NCKAP1L: variants seen among roughly 807,000 people sequenced by gnomAD.
NCKAP1L encodes NCK associated protein 1 like, also known as nck-associated protein 1-like.
NCKAP1L carries 53 observed loss-of-function variants against 139.2 expected under a neutral mutation model. The observed-to-expected ratio is 0.38, with a 90% CI of 0.31 to 0.48. NCKAP1L has a LOEUF of 0.48. Among genes scored for constraint, NCKAP1L ranks in the 20% least tolerant of loss-of-function variants. The pLI is 0.98. For missense variants in NCKAP1L, 1,151 were observed against 1,381.9 expected (o/e 0.83, Z 2.65); for synonymous variants, 468 against 499.7 (o/e 0.94, Z 0.85).
intron 28 of NCKAP1L, 50 bp from the exon 29 acceptor site, chr12:54,536,894 A>G (rs1296627342): frequency 1.6e-5 from 22 of 1,340,812 alleles, no homozygotes; most frequent in Non-Finnish European, 2.1e-5. Context: ...GGAGTGGCTT[A>G]CTTTGTCATT....
intron 22 of NCKAP1L, among the ~76,000 whole-genome samples, chr12:54,529,876 CT>C (rs573998972): frequency 2.6e-5 from 4 of 152,266 alleles, no homozygotes; most frequent in Non-Finnish European, 4.4e-5. Context: ...GAGTAAGGAG[CT>C]TTGGCAGATC....
chr12:54,516,760 A>T lies in NCKAP1L; in HGVS notation c.999-136A>T. 9.6e-6 allele frequency: 7 copies of T among 732,120 alleles called. No individual in the cohort carries two copies. In the Admixed American group the frequency reaches 1.2e-4, roughly 12 times the overall value. 45.4% of individuals were successfully genotyped at this position (732,120 alleles called of 1,614,324 possible). A position where few individuals can be genotyped will look rare whatever the true frequency, so the allele number is the denominator to read the frequency against. On this transcript the variant is annotated intron_variant, in intron 10 of 30. Transcript: ENST00000293373. ...CACTCCTGGCCCTTTTTTCTTTTTT[A>T]AACCAAGTCTAACTTGAGCATTGAA...
In NCKAP1L at chr12:54,546,157, A is replaced by G. The variant is rs1329430623; in HGVS notation, c.*3472A>G. On this transcript the variant is annotated 3_prime_UTR_variant, in exon 31 of 31. Transcript: ENST00000293373. ...GTGGATCTCTTGAGCTAAGGAGGTT[A>G]AGACCAGCCTGGTCAACATGGCGAA... 6.6e-6 allele frequency: 1 copy of G among 152,228 alleles called. No individual in the cohort carries two copies. Among genetic ancestry groups the G allele is most frequent in the Non-Finnish European group, 1.5e-5 (1 of 68,088 alleles). 9.4% of individuals were successfully genotyped at this position (152,228 alleles called of 1,614,324 possible).
In NCKAP1L at chr12:54,532,154, C is replaced by T; in HGVS notation, c.2782-16C>T. ...GTCATGGTCTTGTGGACTCATTTAT[C>T]TTCTCTTTCCTCCAGGTTTTCTCCT... is the stretch of plus-strand genomic sequence containing the variant. On this transcript the variant is annotated splice_polypyrimidine_tract_variant and intron_variant, in intron 25 of 30. Transcript: ENST00000293373. 6.3e-7 allele frequency: 1 copy of T among 1,585,526 alleles called. No homozygotes were observed. The highest frequency in any genetic ancestry group is 8.6e-7 in the Non-Finnish European group (1 of 1,161,738).
intron 2 of NCKAP1L, among the ~76,000 whole-genome samples, chr12:54,499,686 G>A (rs573156351): frequency 5.3e-5 from 8 of 152,252 alleles, no homozygotes; most frequent in African/African-American, 7.2e-5. Flanking sequence ...AAGCTGGAGC[G>A]AATCATCACC....
In NCKAP1L at chr12:54,531,327, G is replaced by A; in HGVS notation, c.2574G>A (p.Trp858Ter). 1 of 1,614,136 alleles carries A rather than the reference G, an allele frequency of 6.2e-7. No homozygotes were observed. Among genetic ancestry groups the A allele is most frequent in the Non-Finnish European group, 8.5e-7 (1 of 1,179,994 alleles). Residue 858 changes from tryptophan to a stop codon, truncating the protein, a stop_gained, in exon 23 of 31, where the codon TGG (tryptophan) becomes TGA (stop). Transcript: ENST00000293373. LOFTEE classifies it high-confidence loss of function. ...AGTTCCTGAGTGAAAACCTGATGTG[G>A]CATGTGACCTCTCAGATTGTGGAGC... ...GMKFLSENLM[W>*]HVTSQIVELK...
chr12:54,533,573 GA>G (rs1957090499), intron 26 of NCKAP1L, among the ~76,000 whole-genome samples: 1 of 148,896 alleles, frequency 6.7e-6, no homozygotes, highest in South Asian at 2.1e-4. Context: ...ATGTCTGTGG[GA>G]TTCTTTTTTT....
At chr12:54,518,327 G>A (rs1956951043) in intron 13 of NCKAP1L, among the ~76,000 whole-genome samples, 1 of 151,356 alleles carries the variant, frequency 6.6e-6, no homozygotes, top group African/African-American at 2.4e-5. Context: ...GGGCGACAGA[G>A]CGAGACTCTG....
Position 54,526,650 on chromosome 12 carries a change from C to T in NCKAP1L, c.2279C>T (p.Ala760Val), listed in dbSNP as rs373640452. 1.9e-5 allele frequency: 30 copies of T among 1,613,980 alleles called. No individual in the cohort carries two copies. The highest frequency in any genetic ancestry group is 2.5e-5 in the Non-Finnish European group (30 of 1,180,030). ...FIQSLAQFLG[A>V]DASRVIRNAL... ...CAGTCACTGGCCCAGTTTTTGGGTGCAGATGCTTCCAGAGTCATCCGCAAC... is the reference window on the plus strand; with the variant it reads ...CAGTCACTGGCCCAGTTTTTGGGTGTAGATGCTTCCAGAGTCATCCGCAAC... Residue 760 changes from alanine to valine, a missense_variant, in exon 21 of 31, where the codon GCA (alanine) becomes GTA (valine). Ala to Val is a moderately conservative substitution (Grantham distance 64, BLOSUM62 0). Transcript: ENST00000293373.
At chr12:54,519,429 ATT>A (rs10686138) in intron 16 of NCKAP1L, 97 bp downstream of exon 16, 2,286 of 500,218 alleles carry the variant, frequency 4.6e-3, no homozygotes, top group Middle Eastern at 8.0e-3. Context: ...ATTTTGTTTA[ATT>A]TTTTTTTTTT....
intron 21 of NCKAP1L, among the ~76,000 whole-genome samples, chr12:54,527,688 T>C (rs1308026824): frequency 6.6e-6 from 1 of 152,184 alleles, no homozygotes; most frequent in Non-Finnish European, 1.5e-5. Flanking sequence ...TAGCTTGTGA[T>C]GTCTATTAGA....
In NCKAP1L at chr12:54,509,691, G is replaced by T. The variant is rs562610374; in HGVS notation, c.529G>T (p.Gly177Cys). ...GHGDPSFARL[G>C]QMVLEYDHPL... ...TAGTGACCCCAGTTTTGCCCGTCTG[G>T]GTCAGATGGTCTTGGAGTATGACCA... The change falls in exon 6 of 31, where the codon GGT becomes TGT. Residue 177 changes from glycine (G) to cysteine (C), a missense_variant. Physicochemically the swap from Gly to Cys is radical, Grantham distance 159 (BLOSUM62 -3). Coordinates refer to ENST00000293373, the MANE Select transcript of NCKAP1L (RefSeq NM_005337.5). The T allele has an allele frequency of 1.5e-5, 24 of 1,614,068 alleles. 1 individual carries two copies. In the South Asian group the frequency reaches 2.5e-4, roughly 17 times the overall value.
At chr12:54,525,573 G>A (rs1957019737) in intron 20 of NCKAP1L, among the ~76,000 whole-genome samples, 1 of 152,050 alleles carries the variant, frequency 6.6e-6, no homozygotes, top group South Asian at 2.1e-4. Context: ...TGACATCATT[G>A]TTCCCAAAGC....
intron 3 of NCKAP1L, among the ~76,000 whole-genome samples, chr12:54,504,126 TA>T (rs1185433868): frequency 6.6e-6 from 1 of 152,240 alleles, no homozygotes; most frequent in East Asian, 1.9e-4. Flanking sequence ...GATTATAGTT[TA>T]AAAAAGCTAG....
intron 25 of NCKAP1L, 58 bp downstream of exon 25, chr12:54,531,883 T>C (rs1029646080): frequency 7.3e-7 from 1 of 1,376,630 alleles, no homozygotes; most frequent in Non-Finnish European, 1.0e-6. Flanking sequence ...GGGTAGGGTT[T>C]GTATGATAAT....
At chr12:54,532,912 C>T (rs1385171365) in intron 26 of NCKAP1L, among the ~76,000 whole-genome samples, 1 of 152,242 alleles carries the variant, frequency 6.6e-6, no homozygotes, top group South Asian at 2.1e-4. Context: ...GAATAGAATC[C>T]TTCAAATGCA....
chr12:54,505,444 CTTT>C (rs60418317), intron 3 of NCKAP1L, among the ~76,000 whole-genome samples: 128 of 139,444 alleles, frequency 9.2e-4, no homozygotes, highest in Non-Finnish European at 1.0e-3. Flanking sequence ...TTCCTTGTGC[CTTT>C]TTTTTTTTTT....
chr12:54,522,791 T>A (rs866005452), intron 18 of NCKAP1L, among the ~76,000 whole-genome samples: 36 of 152,296 alleles, frequency 2.4e-4, no homozygotes, highest in African/African-American at 7.9e-4. Context: ...CCAGTCACCC[T>A]GAAGGAGATG....
intron 18 of NCKAP1L, among the ~76,000 whole-genome samples, chr12:54,521,443 A>C (rs972592646): frequency 6.6e-6 from 1 of 152,200 alleles, no homozygotes; most frequent in Non-Finnish European, 1.5e-5. Context: ...ACTGGATAGA[A>C]GTGTCTAAAA....
Sources: allele counts gnomAD v4.1 joint callset (sites outside exome capture counted in the v4.1 genomes callset), GRCh38; gene constraint gnomAD v4.1.1; transcripts MANE v1.5; gene names NCBI Gene and HGNC (gene_info 2026-07-23, HGNC 2026-07-21).